Variants in ITPK1 observed in about 807,000 individuals in gnomAD.
The protein encoded by ITPK1 is inositol-tetrakisphosphate 1-kinase.
ITPK1 carries 21 observed loss-of-function variants against 45.3 expected under a neutral mutation model. The ratio of observed to expected loss-of-function variants is 0.46; its 90% CI spans 0.33 to 0.67. The LOEUF (loss-of-function observed/expected upper bound fraction) is 0.67, where lower values mean the gene tolerates loss of function less well. Ranked by LOEUF, ITPK1 falls within the 30% of genes least tolerant of loss-of-function variation. The pLI is 0.02. For missense variants in ITPK1, 474 were observed against 573.5 expected, an observed-to-expected ratio of 0.83 and a Z score of 1.77; for synonymous variants, 258 against 253.6, an observed-to-expected ratio of 1.02 and a Z score of -0.16.
At position 93,014,385 on chromosome 14, in the gene ITPK1, A is replaced by G. The variant is rs925245631; in HGVS notation, c.246+2291T>C. 6.6e-6 allele frequency among the ~76,000 whole-genome samples: 1 copy of G among 152,194 alleles called. No homozygotes were observed. The highest frequency in any genetic ancestry group is 1.5e-5 in the Non-Finnish European group (1 of 68,028). Reference sequence around the variant, plus strand: ...CTGTGTGTGTGTCTGGGAAGTGGGCAAGAGGGATAAGAGCTTGGGAGCAGA... The same window carrying G: ...CTGTGTGTGTGTCTGGGAAGTGGGCGAGAGGGATAAGAGCTTGGGAGCAGA... On this transcript the variant is annotated intron_variant, in intron 4 of 10. Coordinates refer to ENST00000267615, the MANE Select transcript of ITPK1 (RefSeq NM_014216.6). The surrounding 1 kb of genome is among the most constrained non-coding windows in gnomAD (Gnocchi z 4.4).
intron 3 of ITPK1, among the ~76,000 whole-genome samples, chr14:93,060,674 C>G (rs968578754): frequency 1.3e-5 from 2 of 152,058 alleles, no homozygotes; most frequent in African/African-American, 4.8e-5. Context: ...CCAGAGAGGT[C>G]TGGTTAGCAC....
At chr14:93,039,369 A>G (rs1889463180) in intron 3 of ITPK1, among the ~76,000 whole-genome samples, 1 of 152,144 alleles carries the variant, frequency 6.6e-6, no homozygotes, top group Non-Finnish European at 1.5e-5. Context: ...TTTGCTAGGC[A>G]TGGTGACTCA....
At position 92,939,750 on chromosome 14, in the gene ITPK1, G is replaced by C. The variant is rs924754253; in HGVS notation, c.*1811C>G. ...CACACCCCCACCCGTACCTGAGGCA[G>C]ACTGGGATTGAAATTTTATTTTTAA... is the stretch of plus-strand genomic sequence containing the variant. On this transcript the variant is annotated 3_prime_UTR_variant, in exon 11 of 11. Coordinates refer to ENST00000267615, the MANE Select transcript of ITPK1 (RefSeq NM_014216.6). 11 of 985,510 alleles carry C rather than the reference G, an allele frequency of 1.1e-5. No homozygotes were observed. The highest frequency in any genetic ancestry group is 6.1e-5 in the Admixed American group (1 of 16,270). 61.0% of individuals were successfully genotyped at this position (985,510 alleles called of 1,614,324 possible).
chr14:93,017,251 G>A (rs1268265061), intron 3 of ITPK1, among the ~76,000 whole-genome samples: 1 of 152,224 alleles, frequency 6.6e-6, no homozygotes, highest in Admixed American at 6.5e-5. Context: ...TCAGAACTTA[G>A]ATCTAAGTGG....
rs529583505 is a variant in ITPK1 at position 92,978,777 on chromosome 14, G to A, written c.364+15103C>T. On this transcript the variant is annotated intron_variant, in intron 5 of 10. Coordinates refer to ENST00000267615, the MANE Select transcript of ITPK1 (RefSeq NM_014216.6). ...CTGCCTAGATTTCAGAGGATGTATG[G>A]AAACACCTGGATGTCCAGACAGAAG... Among the ~76,000 whole-genome samples, 3 of 149,674 alleles carry A rather than the reference G, an allele frequency of 2.0e-5. No individual in the cohort carries two copies. The East Asian group carries it at 5.8e-4, about 29-fold the overall frequency.
chr14:92,976,610 G>A (rs1202160932), intron 5 of ITPK1, among the ~76,000 whole-genome samples: 1 of 152,172 alleles, frequency 6.6e-6, no homozygotes. Context: ...GCATATGCAG[G>A]GCTTAATGTC....
At chr14:93,026,343 T>G (rs183417689) in intron 3 of ITPK1, among the ~76,000 whole-genome samples, 58 of 152,340 alleles carry the variant, frequency 3.8e-4, no homozygotes, top group Admixed American at 3.4e-3. Context: ...AAGATATGTT[T>G]GAATGTTAAG....
chr14:93,085,829 T>C (rs1891628219), intron 2 of ITPK1, among the ~76,000 whole-genome samples: 1 of 152,336 alleles, frequency 6.6e-6, no homozygotes, highest in East Asian at 1.9e-4. Flanking sequence ...TTTTGAGTCT[T>C]TTACTATCCC....
chr14:93,070,089 T>C (rs1890930130), intron 3 of ITPK1: 1 of 152,328 alleles, frequency 6.6e-6, no homozygotes, highest in African/African-American at 2.4e-5. Flanking sequence ...ATTCGCACTT[T>C]AAAGTCAAAC....
At chr14:93,057,042 A>G (rs1890239232) in intron 3 of ITPK1, among the ~76,000 whole-genome samples, 1 of 152,158 alleles carries the variant, frequency 6.6e-6, no homozygotes, top group African/African-American at 2.4e-5. Flanking sequence ...ACAGCTTAGA[A>G]AGCGCCTGGC....
chr14:93,075,574 G>T (rs1891189425), intron 3 of ITPK1, among the ~76,000 whole-genome samples: 1 of 152,148 alleles, frequency 6.6e-6, no homozygotes, highest in Admixed American at 6.5e-5. Context: ...ACCAGCCCCA[G>T]TCTGGTCCCA....
rs368290531 is a variant in ITPK1, at chr14:93,010,986, A to T, written c.246+5690T>A. Among the ~76,000 whole-genome samples, 7 of 152,272 alleles carry T rather than the reference A, an allele frequency of 4.6e-5. No individual in the cohort carries two copies. In the East Asian group the frequency reaches 9.7e-4, roughly 21 times the overall value. Reference sequence around the variant, plus strand: ...ACTGACCCTTACACACACGTGCACCATTCACACCATGCCAGGCACTAGGGG... The same window carrying T: ...ACTGACCCTTACACACACGTGCACCTTTCACACCATGCCAGGCACTAGGGG... On this transcript the variant is annotated intron_variant, in intron 4 of 10. Coordinates refer to ENST00000267615, the MANE Select transcript of ITPK1 (RefSeq NM_014216.6).
intron 3 of ITPK1, among the ~76,000 whole-genome samples, chr14:93,021,302 G>T (rs569398319): frequency 1.9e-4 from 29 of 152,180 alleles, no homozygotes; most frequent in Middle Eastern, 3.4e-3. Flanking sequence ...ACTTCCAGAA[G>T]GATGTTGGGG....
At chr14:92,953,070 T>C (rs1248520260) in intron 8 of ITPK1, among the ~76,000 whole-genome samples, 2 of 152,216 alleles carry the variant, frequency 1.3e-5, no homozygotes, top group Non-Finnish European at 2.9e-5. Flanking sequence ...CAGGCGCCTA[T>C]GTGCGAGGAC....
intron 3 of ITPK1, among the ~76,000 whole-genome samples, chr14:93,042,785 A>C (rs1451828364): frequency 6.6e-6 from 1 of 152,196 alleles, no homozygotes; most frequent in East Asian, 1.9e-4. Context: ...TGGGAGGCCA[A>C]GGTGGGCAGA....
At chr14:92,946,195 G>T (rs1017648059) in intron 10 of ITPK1, 136 bp downstream of exon 10, 34 of 998,720 alleles carry the variant, frequency 3.4e-5, no homozygotes, top group South Asian at 4.4e-5. Flanking sequence ...GAGGCTTCTC[G>T]GGGCTGCACC....
At position 93,107,110 on chromosome 14, in the gene ITPK1, A is replaced by T. The variant is rs139559565; in HGVS notation, c.95+7959T>A. Among the ~76,000 whole-genome samples the T allele has an allele frequency of 1.5e-3, 231 of 152,246 alleles. 8 individuals carry two copies. The East Asian group carries it at 0.042, about 27-fold the overall frequency. On this transcript the variant is annotated intron_variant, in intron 2 of 10. Coordinates refer to ENST00000267615, the MANE Select transcript of ITPK1 (RefSeq NM_014216.6). ...GTAGCTGGGATAACAAGCACCTGCC[A>T]CCATGCCCTGCTAATTTTTGTATTT...
intron 7 of ITPK1, among the ~76,000 whole-genome samples, chr14:92,960,053 T>C (rs1009421183): frequency 6.6e-6 from 1 of 152,242 alleles, no homozygotes; most frequent in African/African-American, 2.4e-5. Flanking sequence ...TGGTGGACAG[T>C]GTCCACCCCA....
chr14:92,991,592 C>T lies in ITPK1; in HGVS notation c.364+2288G>A, dbSNP rs1886792402. 2.0e-5 allele frequency among the ~76,000 whole-genome samples: 3 copies of T among 152,246 alleles called. No homozygotes were observed. The South Asian group carries it at 6.2e-4, about 32-fold the overall frequency. On this transcript the variant is annotated intron_variant, in intron 5 of 10. Transcript: ENST00000267615. ...ACTAGGACACACCCTGCTTAAAATT[C>T]CTGACCTGATTCCTAACTGCCTCCA...
Sources: allele counts gnomAD v4.1 joint callset (sites outside exome capture counted in the v4.1 genomes callset), GRCh38; gene constraint gnomAD v4.1.1; non-coding constraint Gnocchi (gnomAD v3.1); transcripts MANE v1.5; gene names NCBI Gene and HGNC (gene_info 2026-07-23, HGNC 2026-07-21).